The following IGF2BP1 variants were observed in gnomAD, a reference collection of about 807,000 sequenced individuals.
IGF2BP1 encodes insulin-like growth factor 2 mRNA-binding protein 1.
A neutral mutation model predicts 74.9 loss-of-function variants in IGF2BP1; 11 were observed. The ratio of observed to expected loss-of-function variants is 0.15; its 90% CI spans 0.09 to 0.24. IGF2BP1 has a LOEUF of 0.24. IGF2BP1 is among the 10% of genes least tolerant of loss of function. The pLI is 1.00. For synonymous variants in IGF2BP1, 287 were observed against 281.8 expected (o/e 1.02, Z -0.18); for missense variants, 440 against 757.4 (o/e 0.58, Z 4.92).
intron 5 of IGF2BP1, among the ~76,000 whole-genome samples, chr17:49,034,721 A>G (rs1328278957): frequency 1.3e-5 from 2 of 150,114 alleles, no homozygotes; most frequent in Non-Finnish European, 3.0e-5. Flanking sequence ...TGGGTAACAG[A>G]GTAAGACCCT....
At position 49,043,530 on chromosome 17, in the gene IGF2BP1, G is replaced by A; in HGVS notation, c.1180G>A (p.Ala394Thr). 8.1e-6 allele frequency: 13 copies of A among 1,614,058 alleles called. No individual in the cohort carries two copies. The highest frequency in any genetic ancestry group is 1.1e-5 in the Non-Finnish European group (13 of 1,179,960). The change falls in exon 10 of 15, where the codon GCT becomes ACT. Residue 394 changes from alanine (A) to threonine (T), a missense_variant. Physicochemically the swap from Ala to Thr is moderately conservative, Grantham distance 58 (BLOSUM62 0). This residue lies in a region of IGF2BP1 where 31 missense variants were observed against 27.0 expected (regional missense o/e 1.15). Transcript: ENST00000290341. ...PPPPSSVTGAAPYSSFMQAPE... is the reference protein window; with the variant it reads ...PPPPSSVTGATPYSSFMQAPE... ...GCCTCCCAGCAGCGTTACTGGGGCT[G>A]CTCCCTATAGCTCCTTTATGGTAGG...
intron 2 of IGF2BP1, among the ~76,000 whole-genome samples, chr17:49,009,805 C>T (rs978466262): frequency 9.2e-5 from 14 of 151,900 alleles, no homozygotes; most frequent in Admixed American, 7.9e-4. Context: ...CATACCTGGG[C>T]GCGGTTGCTC....
At position 49,011,142 on chromosome 17, in the gene IGF2BP1, A is replaced by AC. The variant is rs1182849754; in HGVS notation, c.236+11973_236+11974insC. On this transcript the variant is annotated intron_variant, in intron 2 of 14. Coordinates refer to ENST00000290341, the MANE Select transcript of IGF2BP1 (RefSeq NM_006546.4). ...AACAGAGTGAGACTCTGTCTCAAAAAAAAAAAAAAAAAAAAAAAAAAAAAA... is the reference window on the plus strand; with the variant it reads ...AACAGAGTGAGACTCTGTCTCAAAAACAAAAAAAAAAAAAAAAAAAAAAAAA... 1.4e-4 allele frequency among the ~76,000 whole-genome samples: 7 copies of AC among 51,814 alleles called. No individual in the cohort carries two copies. The South Asian group carries it at 2.9e-3, about 21-fold the overall frequency. The allele number at this position is 51,814 out of a possible 152,430, so 34.0% of individuals were successfully genotyped here. A position where few individuals can be genotyped will look rare whatever the true frequency, so the allele number is the denominator to read the frequency against.
chr17:49,022,855 C>G (rs2144036967), intron 2 of IGF2BP1, among the ~76,000 whole-genome samples: 1 of 152,360 alleles, frequency 6.6e-6, no homozygotes, highest in Middle Eastern at 3.4e-3. Flanking sequence ...GGCCCCTAAA[C>G]TGGGGTTCCC....
At chr17:49,014,763 G>A (rs2041672247) in intron 2 of IGF2BP1, 1 of 985,228 alleles carries the variant, frequency 1.0e-6, no homozygotes, top group African/African-American at 1.7e-5. Flanking sequence ...CCAGATGTTT[G>A]CCCATCGTCA....
chr17:49,025,768 C>A, intron 3 of IGF2BP1, 102 bp downstream of exon 3: 1 of 1,031,286 alleles, frequency 9.7e-7, no homozygotes, highest in Non-Finnish European at 1.5e-6. Flanking sequence ...AGGTCTGGGG[C>A]CAGGCTAGGG....
rs761830478 is a variant in IGF2BP1 at position 49,051,089 on chromosome 17, T to A, written c.*1645T>A. 6.6e-6 allele frequency: 1 copy of A among 152,622 alleles called. No homozygotes were observed. The highest frequency in any genetic ancestry group is 2.4e-5 in the African/African-American group (1 of 41,458). The allele number at this position is 152,622 out of a possible 1,614,324, so 9.5% of individuals were successfully genotyped here. A position where few individuals can be genotyped will look rare whatever the true frequency, so the allele number is the denominator to read the frequency against. On this transcript the variant is annotated 3_prime_UTR_variant, in exon 15 of 15. Transcript: ENST00000290341. ...GTGCGAAGTAAACTACCTCAAGGTA[T>A]GAAGTTACCTCAGCAATTATTTTCC...
intron 2 of IGF2BP1, among the ~76,000 whole-genome samples, chr17:49,017,269 TATCCC>T (rs1357857607): frequency 6.6e-6 from 1 of 152,102 alleles, no homozygotes; most frequent in Non-Finnish European, 1.5e-5. Flanking sequence ...TTTGTCCTCT[TATCCC>T]AAACCAAACC....
intron 2 of IGF2BP1, among the ~76,000 whole-genome samples, chr17:49,001,237 G>C (rs530426844): frequency 6.6e-6 from 1 of 152,250 alleles, no homozygotes; most frequent in Non-Finnish European, 1.5e-5. Flanking sequence ...TCGTCAGTTA[G>C]GTTTGTTACT....
At chr17:49,021,004 G>A (rs529074249) in intron 2 of IGF2BP1, among the ~76,000 whole-genome samples, 1 of 150,984 alleles carries the variant, frequency 6.6e-6, no homozygotes, top group East Asian at 1.9e-4. Flanking sequence ...AGCCAGGCGT[G>A]ATGGCGCATG....
intron 5 of IGF2BP1, among the ~76,000 whole-genome samples, chr17:49,037,750 C>T (rs929758125): frequency 5.9e-5 from 9 of 152,204 alleles, no homozygotes; most frequent in Non-Finnish European, 1.0e-4. Flanking sequence ...TTCCTCAATC[C>T]GGGAAGTGTA....
Position 49,043,484 on chromosome 17 carries a change from T to G in IGF2BP1, c.1134T>G (p.Ala378=). ...LNLAAVGLFP[A]SSSAVPPPPS... ...TGGCTGCTGTAGGTCTTTTCCCAGC[T>G]TCATCCAGCGCAGTCCCGCCGCCTC... Residue 378 remains alanine, a synonymous_variant, in exon 10 of 15, where the codon GCT becomes GCG. Coordinates refer to ENST00000290341, the MANE Select transcript of IGF2BP1 (RefSeq NM_006546.4). 3 of 1,614,106 alleles carry G rather than the reference T, an allele frequency of 1.9e-6. No individual in the cohort carries two copies. The highest frequency in any genetic ancestry group is 2.5e-6 in the Non-Finnish European group (3 of 1,179,994).
intron 1 of IGF2BP1, 129 bp downstream of exon 1, chr17:48,998,049 C>T: frequency 2.2e-6 from 2 of 924,446 alleles, no homozygotes; most frequent in East Asian, 2.6e-5. Context: ...CCGTACCCAC[C>T]CTCGACCTAC....
Position 49,046,020 on chromosome 17 carries a change from C to A in IGF2BP1, c.1526C>A (p.Thr509Lys), listed in dbSNP as rs745882726. 6.2e-7 allele frequency: 1 copy of A among 1,613,848 alleles called. No individual in the cohort carries two copies. The highest frequency in any genetic ancestry group is 1.7e-5 in the Admixed American group (1 of 59,990). ...CGGGTCATTGGCAAAGGTGGAAAAACGGTGAGCTGTGAGGGCCAGGTTGAA... is the reference window on the plus strand; with the variant it reads ...CGGGTCATTGGCAAAGGTGGAAAAAAGGTGAGCTGTGAGGGCCAGGTTGAA... ...AGRVIGKGGK[T>K]VNELQNLTAA... Residue 509 changes from threonine (T) to lysine (K), a missense_variant and splice_region_variant, in exon 13 of 15, where the codon ACG becomes AAG. Thr to Lys is a moderately conservative substitution (Grantham distance 78). Around this residue, in one of 5 missense-constraint regions of IGF2BP1, gnomAD observed 117 missense variants for 237.2 expected, o/e 0.49. Coordinates refer to ENST00000290341, the MANE Select transcript of IGF2BP1 (RefSeq NM_006546.4).
rs2042219354 is a variant in IGF2BP1 at position 49,055,579 on chromosome 17, T to C, written c.*6135T>C. On this transcript the variant is annotated 3_prime_UTR_variant, in exon 15 of 15. Transcript: ENST00000290341. Reference sequence around the variant, plus strand: ...AGATTTTATGTTAGCCACTGCTATGTAAAAGCACGTTCAAAATGAATTTCA... The same window carrying C: ...AGATTTTATGTTAGCCACTGCTATGCAAAAGCACGTTCAAAATGAATTTCA... 1 of 398,538 alleles carries C rather than the reference T, an allele frequency of 2.5e-6. No individual in the cohort carries two copies. The highest frequency in any genetic ancestry group is 4.4e-6 in the Non-Finnish European group (1 of 226,020). The allele number at this position is 398,538 out of a possible 1,614,324, so 24.7% of individuals were successfully genotyped here. A position where few individuals can be genotyped will look rare whatever the true frequency, so the allele number is the denominator to read the frequency against.
At chr17:49,042,889 A>C (rs933736724) in intron 9 of IGF2BP1, among the ~76,000 whole-genome samples, 3 of 152,054 alleles carry the variant, frequency 2.0e-5, no homozygotes, top group Admixed American at 1.3e-4. Flanking sequence ...TTGCTGTGTC[A>C]CCCAGGTTGG....
chr17:49,041,648 A>G, intron 8 of IGF2BP1, 148 bp downstream of exon 8: 2 of 1,110,264 alleles, frequency 1.8e-6, no homozygotes, highest in Non-Finnish European at 2.6e-6. Flanking sequence ...GGTAAAGAGC[A>G]TTTAAAAAAT....
chr17:49,051,564 A>T lies in IGF2BP1; in HGVS notation c.*2120A>T, dbSNP rs1370853560. On this transcript the variant is annotated 3_prime_UTR_variant, in exon 15 of 15. Coordinates refer to ENST00000290341, the MANE Select transcript of IGF2BP1 (RefSeq NM_006546.4). ...GTGGTTAAACAATGCCCAACAACCA[A>T]CCAGCTGGCCCTTGGTCTCCTCTCT... is the stretch of plus-strand genomic sequence containing the variant. 1 of 152,222 alleles carries T rather than the reference A, an allele frequency of 6.6e-6. No homozygotes were observed. The highest frequency in any genetic ancestry group is 1.5e-5 in the Non-Finnish European group (1 of 68,044). 9.4% of individuals were successfully genotyped at this position (152,222 alleles called of 1,614,324 possible). A position where few individuals can be genotyped will look rare whatever the true frequency, so the allele number is the denominator to read the frequency against.
rs1175335121 is a variant in IGF2BP1 at position 49,051,254 on chromosome 17, AG to A, written c.*1811del. ...TGAATATTTTATTTTTTTAATGAAA[AG>A]AAAAAACAAGAAAGTTATGTTTCAT... On this transcript the variant is annotated 3_prime_UTR_variant, in exon 15 of 15. Coordinates refer to ENST00000290341, the MANE Select transcript of IGF2BP1 (RefSeq NM_006546.4). 6.6e-6 allele frequency: 1 copy of A among 152,644 alleles called. No individual in the cohort carries two copies. The highest frequency in any genetic ancestry group is 1.5e-5 in the Non-Finnish European group (1 of 68,046). 9.5% of individuals were successfully genotyped at this position (152,644 alleles called of 1,614,324 possible).
Sources: gnomAD v4.1 joint callset for allele counts (sites outside exome capture counted in the v4.1 genomes callset) on GRCh38, gnomAD v4.1.1 for gene constraint, gnomAD v4.1.1 regional missense constraint, MANE v1.5 for transcripts, NCBI Gene and HGNC (gene_info 2026-07-23, HGNC 2026-07-21) for gene names.